Variants in TOX2 observed in about 807,000 individuals in gnomAD.
TOX2 encodes granulosa cell HMG box 1.
A neutral mutation model predicts 47.4 loss-of-function variants in TOX2; 15 were observed. The observed-to-expected ratio is 0.32, with a 90% CI of 0.21 to 0.49. The LOEUF (loss-of-function observed/expected upper bound fraction) is 0.49. Ranked by LOEUF, TOX2 falls within the 20% of genes least tolerant of loss-of-function variation. TOX2 has a pLI of 0.99. For missense variants in TOX2, 622 were observed against 673.1 expected (o/e 0.92, Z 0.84); for synonymous variants, 290 against 296.6 (o/e 0.98, Z 0.23).
At chr20:44,041,493 C>G (rs1319109582) in intron 3 of TOX2, among the ~76,000 whole-genome samples, 1 of 152,044 alleles carries the variant, frequency 6.6e-6, no homozygotes, top group African/African-American at 2.4e-5. Flanking sequence ...GTGGCTGTCC[C>G]CATGTTTTTG....
chr20:43,927,458 AACACACACAC>A (rs34410581), intron 1 of TOX2, among the ~76,000 whole-genome samples: 1,603 of 131,462 alleles, frequency 0.012, 29 homozygotes, highest in South Asian at 0.029. Flanking sequence ...TGATCTATAT[AACACACACAC>A]ACACACACAC....
chr20:43,979,314 C>T (rs1346115009), intron 2 of TOX2, among the ~76,000 whole-genome samples: 1 of 152,110 alleles, frequency 6.6e-6, no homozygotes, highest in Non-Finnish European at 1.5e-5. Context: ...GGACCAATGA[C>T]TCTGAGATGT....
intron 3 of TOX2, among the ~76,000 whole-genome samples, chr20:44,046,415 TAAA>T (rs1214710699): frequency 6.6e-6 from 1 of 152,238 alleles, no homozygotes; most frequent in African/African-American, 2.4e-5. Context: ...TCTTAAAAAT[TAAA>T]AAACAGAATT....
At chr20:43,939,685 C>T (rs1034087090) in intron 1 of TOX2, among the ~76,000 whole-genome samples, 17 of 152,336 alleles carry the variant, frequency 1.1e-4, no homozygotes, top group Admixed American at 2.0e-4. Context: ...GACCCTGCAG[C>T]TTAGAAGCTG....
At chr20:44,052,531 G>A (rs1446492799) in intron 4 of TOX2, among the ~76,000 whole-genome samples, 1 of 152,168 alleles carries the variant, frequency 6.6e-6, no homozygotes, top group Non-Finnish European at 1.5e-5. Context: ...TTTACTTCTG[G>A]ATCCTGGCCC....
intron 1 of TOX2, among the ~76,000 whole-genome samples, chr20:43,949,982 C>T (rs1053085114): frequency 3.3e-5 from 5 of 152,080 alleles, no homozygotes; most frequent in African/African-American, 1.2e-4. Flanking sequence ...GAATAGGATC[C>T]TCAAACTGGT....
chr20:43,953,301 T>C (rs987161098), intron 1 of TOX2, among the ~76,000 whole-genome samples: 11 of 152,156 alleles, frequency 7.2e-5, no homozygotes, highest in Non-Finnish European at 1.3e-4. Context: ...ATATATCACC[T>C]TCAGTCAGAA....
Position 43,945,838 on chromosome 20 carries a change from T to C in TOX2, c.100-27529T>C, listed in dbSNP as rs774861506. 1.8e-5 allele frequency: 28 copies of C among 1,588,622 alleles called. 1 individual carries two copies. The Admixed American group carries it at 2.0e-4, about 11-fold the overall frequency. ...GTGGGGGTGCTGGGCCTCCAGCCAATAGAGGACCAAGAGTTGTCAGGAGGG... is the reference window on the plus strand; with the variant it reads ...GTGGGGGTGCTGGGCCTCCAGCCAACAGAGGACCAAGAGTTGTCAGGAGGG... On this transcript the variant is annotated intron_variant, in intron 1 of 8. Coordinates refer to ENST00000341197, the MANE Select transcript of TOX2 (RefSeq NM_001098797.2).
At chr20:44,037,018 G>A (rs763941811) in intron 3 of TOX2, among the ~76,000 whole-genome samples, 6 of 152,116 alleles carry the variant, frequency 3.9e-5, no homozygotes, top group Non-Finnish European at 5.9e-5. Context: ...GCAATGGTGC[G>A]ATCGCAGCTC....
chr20:44,052,211 CTA>C (rs1027780062), intron 4 of TOX2, among the ~76,000 whole-genome samples: 113 of 152,310 alleles, frequency 7.4e-4, no homozygotes, highest in African/African-American at 2.7e-3. Context: ...TTCCTGGAGT[CTA>C]GAGTGGTTTG....
intron 1 of TOX2, among the ~76,000 whole-genome samples, chr20:43,968,559 G>T (rs181691159): frequency 6.6e-6 from 1 of 152,304 alleles, no homozygotes; most frequent in East Asian, 1.9e-4. Flanking sequence ...AGAAGCCCCT[G>T]TAAGCTGTGT....
chr20:44,059,493 T>C (rs772071271), intron 5 of TOX2, among the ~76,000 whole-genome samples: 1 of 152,122 alleles, frequency 6.6e-6, no homozygotes, highest in Non-Finnish European at 1.5e-5. Context: ...GATCTAGACA[T>C]CCAAATACAA....
intron 2 of TOX2, among the ~76,000 whole-genome samples, chr20:43,998,105 A>C (rs1422247858): frequency 1.3e-5 from 2 of 152,234 alleles, no homozygotes; most frequent in Non-Finnish European, 2.9e-5. Context: ...AAAGGGAAGC[A>C]AGCACATATT....
chr20:44,031,866 T>G (rs1237076383), intron 3 of TOX2, among the ~76,000 whole-genome samples: 1 of 152,192 alleles, frequency 6.6e-6, no homozygotes, highest in Non-Finnish European at 1.5e-5. Context: ...CTGCTAGGTG[T>G]CGCGGTCTAG....
intron 2 of TOX2, among the ~76,000 whole-genome samples, chr20:43,998,759 C>T (rs572297718): frequency 1.3e-5 from 2 of 150,252 alleles, no homozygotes; most frequent in African/African-American, 4.9e-5. Flanking sequence ...ATCTATCTAT[C>T]TATCTATCTA....
chr20:44,051,978 G>A (rs966929210), intron 4 of TOX2, among the ~76,000 whole-genome samples: 5 of 152,222 alleles, frequency 3.3e-5, no homozygotes, highest in African/African-American at 1.2e-4. Flanking sequence ...GTGAAAGTTG[G>A]CAAAGACTGA....
At chr20:44,037,874 G>A (rs2071266631) in intron 3 of TOX2, among the ~76,000 whole-genome samples, 1 of 152,140 alleles carries the variant, frequency 6.6e-6, no homozygotes. Flanking sequence ...AATCAACTTT[G>A]GAACTGGGTA....
intron 3 of TOX2, among the ~76,000 whole-genome samples, chr20:44,013,768 G>C (rs553084312): frequency 6.6e-6 from 1 of 152,250 alleles, no homozygotes; most frequent in East Asian, 1.9e-4. Flanking sequence ...TGACATTGCA[G>C]TGCTTGGCCC....
intron 1 of TOX2, among the ~76,000 whole-genome samples, chr20:43,931,135 C>T (rs994320402): frequency 1.3e-4 from 20 of 152,126 alleles, no homozygotes; most frequent in African/African-American, 4.8e-4. Context: ...ACACATACAT[C>T]TTTTATGTTT....
Sources: allele counts gnomAD v4.1 joint callset (sites outside exome capture counted in the v4.1 genomes callset), GRCh38; gene constraint gnomAD v4.1.1; transcripts MANE v1.5; gene names NCBI Gene and HGNC (gene_info 2026-07-23, HGNC 2026-07-21).